Variants in HIP1 observed in about 807,000 individuals in gnomAD.
HIP1 encodes huntingtin-interacting protein 1.
Under a neutral mutation model 147.6 loss-of-function variants are expected in HIP1, and 65 were observed. The ratio of observed to expected loss-of-function variants is 0.44; its 90% CI spans 0.36 to 0.54. The LOEUF is 0.54. Among genes scored for constraint, HIP1 ranks in the 20% least tolerant of loss-of-function variants. The pLI, the probability that HIP1 is intolerant of heterozygous loss-of-function variation, is 0.00. For synonymous variants in HIP1, 479 were observed against 504.0 expected (o/e 0.95, Z 0.67); for missense variants, 1,061 against 1,299.6 (o/e 0.82, Z 2.82).
chr7:75,554,674 A>G lies in HIP1; in HGVS notation c.1964-148T>C, dbSNP rs141567442. On this transcript the variant is annotated intron_variant, in intron 19 of 30. Coordinates refer to ENST00000336926, the MANE Select transcript of HIP1 (RefSeq NM_005338.7). ...CATGAGTAATCACCTCTTGATTCAG[A>G]CCATAGTTTTTTCCTTAGAGAAACA... is the stretch of plus-strand genomic sequence containing the variant. The G allele has an allele frequency of 1.8e-3, 1,110 of 608,602 alleles. 4 individuals carry two copies. The highest frequency in any genetic ancestry group is 6.4e-3 in the Middle Eastern group (23 of 3,602). The allele number at this position is 608,602 out of a possible 1,614,324, so 37.7% of individuals were successfully genotyped here. A position where few individuals can be genotyped will look rare whatever the true frequency, so the allele number is the denominator to read the frequency against.
At chr7:75,693,171 A>G (rs1414827937) in intron 1 of HIP1, among the ~76,000 whole-genome samples, 1 of 152,112 alleles carries the variant, frequency 6.6e-6, no homozygotes, top group African/African-American at 2.4e-5. Context: ...TCTCAAAAAA[A>G]AAAAAAAAAT....
intron 14 of HIP1, among the ~76,000 whole-genome samples, chr7:75,558,743 G>A (rs1795112195): frequency 6.6e-6 from 1 of 152,032 alleles, no homozygotes; most frequent in Non-Finnish European, 1.5e-5. Flanking sequence ...CAGGGGCCAA[G>A]CGAGGTGGCT....
intron 1 of HIP1, among the ~76,000 whole-genome samples, chr7:75,660,069 T>C (rs1241593724): frequency 1.3e-5 from 2 of 151,550 alleles, no homozygotes; most frequent in African/African-American, 4.9e-5. Context: ...GAGGTTGCAC[T>C]GAGCCGAGAT....
At chr7:75,647,752 G>A (rs1798852188) in intron 1 of HIP1, among the ~76,000 whole-genome samples, 1 of 152,264 alleles carries the variant, frequency 6.6e-6, no homozygotes, top group Non-Finnish European at 1.5e-5. Context: ...AGACCAGCCA[G>A]TTCTGTCCCC....
chr7:75,638,323 T>G (rs1454787323), intron 1 of HIP1, among the ~76,000 whole-genome samples: 1 of 151,764 alleles, frequency 6.6e-6, no homozygotes, highest in Non-Finnish European at 1.5e-5. Flanking sequence ...GGCTGAAGGC[T>G]GCTCCTTGGT....
At chr7:75,627,205 G>T (rs75335082) in intron 1 of HIP1, among the ~76,000 whole-genome samples, 3,519 of 152,236 alleles carry the variant, frequency 0.023, 44 homozygotes, top group Non-Finnish European at 0.036. Flanking sequence ...GTACTTCAAT[G>T]AAGCAAGTGC....
intron 13 of HIP1, among the ~76,000 whole-genome samples, chr7:75,560,770 G>C (rs1198827895): frequency 6.6e-6 from 1 of 151,928 alleles, no homozygotes; most frequent in Non-Finnish European, 1.5e-5. Flanking sequence ...GTTTTTATTT[G>C]GTTTTAGAGA....
chr7:75,582,919 C>T (rs1563219906), intron 5 of HIP1, among the ~76,000 whole-genome samples: 1 of 152,164 alleles, frequency 6.6e-6, no homozygotes, highest in Non-Finnish European at 1.5e-5. Flanking sequence ...TTCCTTTGCC[C>T]CAAGTCATAC....
Position 75,614,742 on chromosome 7 carries a change from G to GAAA in HIP1, c.121-15498_121-15496dup, listed in dbSNP as rs71098041. 9.6e-3 allele frequency among the ~76,000 whole-genome samples: 1,445 copies of GAAA among 150,570 alleles called. 31 individuals carry two copies. Among genetic ancestry groups the GAAA allele is most frequent in the African/African-American group, 0.032 (1,326 of 40,982 alleles). On this transcript the variant is annotated intron_variant, in intron 1 of 30. Transcript: ENST00000336926. ...TCATGTTATATGTATTTTGTCACAG[G>GAAA]AAAAAAAAAGATAAAAAACACTGAG...
rs587754853 is a variant in HIP1, at chr7:75,559,803, G to C, written c.1304C>G (p.Ala435Gly). The C allele has an allele frequency of 5.0e-6, 8 of 1,610,860 alleles. No homozygotes were observed. The African/African-American group carries it at 9.4e-5, about 19-fold the overall frequency. ...QAADDCEFLR[A>G]ELDELRRQRE... ...CTGCCTCCTGAGCTCGTCCAGTTCT[G>C]CCCGCAGGAATTCACAGTCGTCGGC... Residue 435 changes from alanine (A) to glycine (G), a missense_variant, in exon 14 of 31, where the codon GCA (alanine) becomes GGA (glycine). Transcript: ENST00000336926.
intron 1 of HIP1, among the ~76,000 whole-genome samples, chr7:75,617,073 A>AT (rs71519374): frequency 0.22 from 26,882 of 123,502 alleles, 3,619 homozygotes; most frequent in Non-Finnish European, 0.3. Context: ...CACCCAGCTA[A>AT]TTTTTTTTTT....
At chr7:75,665,394 G>A (rs1554514515) in intron 1 of HIP1, among the ~76,000 whole-genome samples, 1 of 152,144 alleles carries the variant, frequency 6.6e-6, no homozygotes, top group Non-Finnish European at 1.5e-5. Flanking sequence ...GGGCAGGAAG[G>A]TTTGAGGTAG....
At position 75,733,060 on chromosome 7, in the gene HIP1, G is replaced by C. The variant is rs1479968043; in HGVS notation, c.120+5741C>G. 2.0e-5 allele frequency among the ~76,000 whole-genome samples: 3 copies of C among 152,216 alleles called. No individual in the cohort carries two copies. In the South Asian group the frequency reaches 6.2e-4, roughly 32 times the overall value. The stretch of plus-strand genomic sequence containing the variant: ...ATGTTGAAGAAATAAACAAACCATG[G>C]AGAAAACCATTTTCCAGCTAAGTAA... On this transcript the variant is annotated intron_variant, in intron 1 of 30. Coordinates refer to ENST00000336926, the MANE Select transcript of HIP1 (RefSeq NM_005338.7).
intron 2 of HIP1, among the ~76,000 whole-genome samples, chr7:75,594,976 CA>C (rs1796633908): frequency 6.6e-6 from 1 of 152,184 alleles, no homozygotes; most frequent in Non-Finnish European, 1.5e-5. Context: ...CTTTACTCAG[CA>C]AGGCTAGGTC....
At position 75,588,792 on chromosome 7, in the gene HIP1, C is replaced by A. The variant is rs115546046; in HGVS notation, c.385-1959G>T. ...CTGTCTCAAACAGCAACAACAACCA[C>A]CTTCCCCCGCAAAAAACAAGCAGAT... On this transcript the variant is annotated intron_variant, in intron 4 of 30. Coordinates refer to ENST00000336926, the MANE Select transcript of HIP1 (RefSeq NM_005338.7). Among the ~76,000 whole-genome samples, 1,060 of 151,658 alleles carry A rather than the reference C, an allele frequency of 7.0e-3. 18 individuals are homozygous for A. Among genetic ancestry groups the A allele is most frequent in the African/African-American group, 0.025 (1,016 of 41,300 alleles).
chr7:75,675,462 A>G (rs1554515863), intron 1 of HIP1, among the ~76,000 whole-genome samples: 2 of 152,150 alleles, frequency 1.3e-5, no homozygotes, highest in African/African-American at 4.8e-5. Flanking sequence ...TTGGCCTCTC[A>G]AAGTGCTGGG....
chr7:75,732,102 G>C (rs1801854678), intron 1 of HIP1, among the ~76,000 whole-genome samples: 1 of 152,076 alleles, frequency 6.6e-6, no homozygotes, highest in Admixed American at 6.6e-5. Context: ...AAAGGACTTT[G>C]CCATTTGGTT....
At chr7:75,709,997 A>G (rs1554520024) in intron 1 of HIP1, among the ~76,000 whole-genome samples, 2 of 152,078 alleles carry the variant, frequency 1.3e-5, no homozygotes, top group African/African-American at 4.8e-5. Flanking sequence ...TCAGTTTCCC[A>G]AGTAGCTGGA....
chr7:75,680,158 T>TCA (rs569059323), intron 1 of HIP1, among the ~76,000 whole-genome samples: 125 of 152,274 alleles, frequency 8.2e-4, no homozygotes, highest in African/African-American at 2.8e-3. Context: ...TTCTCGTGCC[T>TCA]CAGCCTCCTG....
Sources: allele counts gnomAD v4.1 joint callset (sites outside exome capture counted in the v4.1 genomes callset), GRCh38; gene constraint gnomAD v4.1.1; transcripts MANE v1.5; gene names NCBI Gene and HGNC (gene_info 2026-07-23, HGNC 2026-07-21).